LEF1: variants seen among roughly 807,000 people sequenced by gnomAD.
LEF1 encodes the protein lymphoid enhancer-binding factor 1.
A neutral mutation model predicts 51.2 loss-of-function variants in LEF1; 14 were observed. The ratio of observed to expected loss-of-function variants is 0.27; its 90% CI spans 0.18 to 0.43. LEF1 has a LOEUF of 0.43. LEF1 is among the 20% of genes least tolerant of loss of function. The pLI, the probability that LEF1 is intolerant of heterozygous loss-of-function variation, is 1.00. For synonymous variants in LEF1, 185 were observed against 183.2 expected, an observed-to-expected ratio of 1.01 and a Z score of -0.08; for missense variants, 386 against 512.0, an observed-to-expected ratio of 0.75 and a Z score of 2.37.
intron 3 of LEF1, among the ~76,000 whole-genome samples, chr4:108,092,917 T>TAAAAAAAAAAAAAAAAAAAAAAACAAA (rs1740119920): frequency 3.2e-5 from 1 of 31,156 alleles, no homozygotes; most frequent in Non-Finnish European, 5.3e-5. Flanking sequence ...AATGAATATG[T>TAAAAAAAAAAAAAAAAAAAAAAACAAA]AAAAAAAAAA....
At chr4:108,110,498 A>C (rs1177084269) in intron 3 of LEF1, among the ~76,000 whole-genome samples, 1 of 152,182 alleles carries the variant, frequency 6.6e-6, no homozygotes, top group African/African-American at 2.4e-5. Flanking sequence ...AAAAAAACAC[A>C]ATGGAGCTTT....
intron 3 of LEF1, among the ~76,000 whole-genome samples, chr4:108,119,657 A>G (rs1413371304): frequency 1.3e-5 from 2 of 152,130 alleles, no homozygotes; most frequent in Non-Finnish European, 2.9e-5. Context: ...CCCCATCACG[A>G]TAGCCTTCAT....
chr4:108,131,116 A>C (rs1206531232), intron 3 of LEF1, among the ~76,000 whole-genome samples: 1 of 151,936 alleles, frequency 6.6e-6, no homozygotes, highest in African/African-American at 2.4e-5. Context: ...CTGGGACTAC[A>C]GGTGGCGCCA....
chr4:108,066,804 A>C lies in LEF1; in HGVS notation c.1117-2420T>G, dbSNP rs187557004. On this transcript the variant is annotated intron_variant, in intron 9 of 11. Coordinates refer to ENST00000265165, the MANE Select transcript of LEF1 (RefSeq NM_016269.5). ...TGTATAATATTGGAAAGCATTAAAAACTAAATTGAAAAGTTCTAACATTAT... is the reference window on the plus strand; with the variant it reads ...TGTATAATATTGGAAAGCATTAAAACCTAAATTGAAAAGTTCTAACATTAT... Among the ~76,000 whole-genome samples, 143 of 152,340 alleles carry C rather than the reference A, an allele frequency of 9.4e-4. 1 individual carries two copies. Among genetic ancestry groups the C allele is most frequent in the African/African-American group, 3.2e-3 (135 of 41,578 alleles).
At chr4:108,133,050 T>G (rs531518185) in intron 3 of LEF1, among the ~76,000 whole-genome samples, 1 of 152,198 alleles carries the variant, frequency 6.6e-6, no homozygotes, top group South Asian at 2.1e-4. Context: ...CTCGGCTCAC[T>G]GCAACCTCCA....
intron 11 of LEF1, among the ~76,000 whole-genome samples, chr4:108,059,268 C>T (rs184521405): frequency 8.5e-5 from 13 of 152,268 alleles, no homozygotes; most frequent in Non-Finnish European, 1.2e-4. Context: ...ACTGCGCTGG[C>T]GCTGCCCATC....
At chr4:108,150,117 T>C (rs1232626370) in intron 3 of LEF1, among the ~76,000 whole-genome samples, 1 of 152,158 alleles carries the variant, frequency 6.6e-6, no homozygotes, top group Non-Finnish European at 1.5e-5. Flanking sequence ...TTTCTCTTAT[T>C]TAAACCAACA....
At chr4:108,068,876 T>G (rs1306856908) in intron 9 of LEF1, among the ~76,000 whole-genome samples, 3 of 152,200 alleles carry the variant, frequency 2.0e-5, no homozygotes, top group African/African-American at 7.2e-5. Context: ...CTTGCTCTTT[T>G]AAAAAGAAAT....
intron 11 of LEF1, among the ~76,000 whole-genome samples, chr4:108,058,064 C>G (rs1000806569): frequency 6.6e-6 from 1 of 151,634 alleles, no homozygotes; most frequent in Admixed American, 6.6e-5. Context: ...TAGTTAGAGA[C>G]GGGGTTTCAC....
chr4:108,062,064 C>T (rs1737727527), intron 11 of LEF1, among the ~76,000 whole-genome samples: 1 of 152,134 alleles, frequency 6.6e-6, no homozygotes, highest in Non-Finnish European at 1.5e-5. Context: ...CTGGGCAGAT[C>T]CTGCACATCA....
At chr4:108,061,347 T>C (rs998847313) in intron 11 of LEF1, among the ~76,000 whole-genome samples, 4 of 152,164 alleles carry the variant, frequency 2.6e-5, no homozygotes, top group Non-Finnish European at 5.9e-5. Context: ...TAGAAAAAGA[T>C]GTTTGGGATA....
chr4:108,144,099 AGGTACTGCCCAAAGTCTGGG>A (rs1269588067), intron 3 of LEF1, among the ~76,000 whole-genome samples: 1 of 152,164 alleles, frequency 6.6e-6, no homozygotes, highest in Non-Finnish European at 1.5e-5. Context: ...AGGAGTTAAT[AGGTACTGCCCAAAGTCTGGG>A]ACCCCTCTAG....
intron 3 of LEF1, among the ~76,000 whole-genome samples, chr4:108,154,443 C>CA (rs10672899): frequency 0.49 from 35,416 of 71,730 alleles, 9,868 homozygotes; most frequent in South Asian, 0.51. Context: ...AAGGTAGTAG[C>CA]AAAAAAAAAA....
At chr4:108,127,181 C>T (rs1742598863) in intron 3 of LEF1, among the ~76,000 whole-genome samples, 1 of 152,100 alleles carries the variant, frequency 6.6e-6, no homozygotes. Context: ...AGGCCAAGAA[C>T]AGAATGCTAA....
intron 6 of LEF1, among the ~76,000 whole-genome samples, chr4:108,080,775 A>C (rs1413815686): frequency 6.6e-6 from 1 of 152,162 alleles, no homozygotes; most frequent in East Asian, 1.9e-4. Context: ...CACCACAGAA[A>C]CTTTGAATAC....
chr4:108,091,362 G>C (rs557711849), intron 3 of LEF1, among the ~76,000 whole-genome samples: 1 of 150,552 alleles, frequency 6.6e-6, no homozygotes, highest in East Asian at 2.0e-4. Flanking sequence ...AGAAAAATTA[G>C]AATTCTTATA....
At chr4:108,131,707 C>CT (rs1280398700) in intron 3 of LEF1, among the ~76,000 whole-genome samples, 2 of 152,102 alleles carry the variant, frequency 1.3e-5, no homozygotes, top group South Asian at 2.1e-4. Context: ...GGAAACATAA[C>CT]TTTTTTTTAG....
chr4:108,108,224 T>A (rs1415495574), intron 3 of LEF1, among the ~76,000 whole-genome samples: 1 of 152,210 alleles, frequency 6.6e-6, no homozygotes, highest in Non-Finnish European at 1.5e-5. Context: ...TTGCTCAGAC[T>A]TTCCACATCA....
In LEF1 at chr4:108,167,518, G is replaced by A. The variant is rs867565; in HGVS notation, c.213+37C>T. Reference sequence around the variant, plus strand: ...CCCTCTCTGAGTTTCCCAGGGACCCGCCACGCCTCTCGGAACTGGGGCAGC... The same window carrying A: ...CCCTCTCTGAGTTTCCCAGGGACCCACCACGCCTCTCGGAACTGGGGCAGC... On this transcript the variant is annotated intron_variant, in intron 1 of 11. Transcript: ENST00000265165. The surrounding 1 kb of genome is among the most constrained non-coding windows in gnomAD (Gnocchi z 5.7). The A allele has an allele frequency of 9.5e-3, 15,231 of 1,604,748 alleles. 1,083 individuals are homozygous for A. In the African/African-American group the frequency reaches 0.16, roughly 17 times the overall value.
Sources: gnomAD v4.1 joint callset for allele counts (sites outside exome capture counted in the v4.1 genomes callset) on GRCh38, gnomAD v4.1.1 for gene constraint, Gnocchi (gnomAD v3.1) non-coding constraint, MANE v1.5 for transcripts, NCBI Gene and HGNC (gene_info 2026-07-23, HGNC 2026-07-21) for gene names.